Variants in CELF4 observed in about 807,000 individuals in gnomAD.
CELF4 encodes CUGBP Elav-like family member 4.
Under a neutral mutation model 59.9 loss-of-function variants are expected in CELF4, and 18 were observed. The observed-to-expected ratio is 0.30, with a 90% CI of 0.21 to 0.45. The LOEUF is 0.45. Among genes scored for constraint, CELF4 ranks in the 20% least tolerant of loss-of-function variants. The pLI is 1.00. For missense variants in CELF4, 456 were observed against 689.0 expected (o/e 0.66, Z 3.79); for synonymous variants, 261 against 267.1 (o/e 0.98, Z 0.22).
chr18:37,456,360 C>A (rs1038761017), intron 2 of CELF4, among the ~76,000 whole-genome samples: 1 of 152,108 alleles, frequency 6.6e-6, no homozygotes, highest in Non-Finnish European at 1.5e-5. Flanking sequence ...AAGGACAAGC[C>A]TGCTTCTGCA....
chr18:37,493,406 T>C (rs1201490262), intron 1 of CELF4, among the ~76,000 whole-genome samples: 1 of 152,248 alleles, frequency 6.6e-6, no homozygotes, highest in Non-Finnish European at 1.5e-5. Context: ...AGAATGTAAA[T>C]ACTCTATTAT....
chr18:37,517,732 G>A (rs1239786541), intron 1 of CELF4, among the ~76,000 whole-genome samples: 2 of 152,198 alleles, frequency 1.3e-5, no homozygotes, highest in African/African-American at 2.4e-5. Context: ...ATGAGGCACA[G>A]CTGGGTGACA....
intron 2 of CELF4, among the ~76,000 whole-genome samples, chr18:37,392,150 G>T (rs1330659025): frequency 1.3e-5 from 2 of 152,204 alleles, no homozygotes; most frequent in East Asian, 3.9e-4. Context: ...GGGGGAAGTG[G>T]GAGAAAGAAA....
chr18:37,321,577 C>T (rs899161329), intron 3 of CELF4, among the ~76,000 whole-genome samples: 2 of 152,172 alleles, frequency 1.3e-5, no homozygotes, highest in Non-Finnish European at 1.5e-5. Context: ...TACTCAGAGA[C>T]GCATAAACCG....
At chr18:37,552,836 G>A (rs1371311653) in intron 1 of CELF4, among the ~76,000 whole-genome samples, 4 of 152,234 alleles carry the variant, frequency 2.6e-5, no homozygotes, top group Non-Finnish European at 5.9e-5. Flanking sequence ...CCTGGAGGAA[G>A]CATGTCCTCT....
At chr18:37,512,323 C>G (rs541195023) in intron 1 of CELF4, among the ~76,000 whole-genome samples, 1 of 152,236 alleles carries the variant, frequency 6.6e-6, no homozygotes, top group African/African-American at 2.4e-5. Context: ...AGATGAGTTC[C>G]GTGGAGCTGC....
intron 12 of CELF4, among the ~76,000 whole-genome samples, chr18:37,251,062 G>C (rs538169815): frequency 7.9e-5 from 12 of 152,104 alleles, no homozygotes; most frequent in Non-Finnish European, 1.6e-4. Context: ...AGGGGAGAAG[G>C]CTCCCTGGCT....
chr18:37,365,470 C>T (rs1052021224), intron 2 of CELF4, among the ~76,000 whole-genome samples: 5 of 136,354 alleles, frequency 3.7e-5, no homozygotes, highest in East Asian at 2.2e-4. Context: ...TCCCTGAAGG[C>T]GGATGGGGCA....
At chr18:37,388,391 C>A (rs553518806) in intron 2 of CELF4, among the ~76,000 whole-genome samples, 1 of 151,818 alleles carries the variant, frequency 6.6e-6, no homozygotes, top group African/African-American at 2.4e-5. Context: ...CTTTGCTTCT[C>A]CTCTTCCCTC....
In CELF4 at chr18:37,565,697, T is replaced by TCG. The variant is rs1568469713; in HGVS notation, c.-57_-56insCG. The TCG allele has an allele frequency of 3.7e-5, 47 of 1,286,246 alleles. No individual in the cohort carries two copies. Among genetic ancestry groups the TCG allele is most frequent in the South Asian group, 2.3e-4 (14 of 61,054 alleles). 79.7% of individuals were successfully genotyped at this position (1,286,246 alleles called of 1,614,324 possible). A position where few individuals can be genotyped will look rare whatever the true frequency, so the allele number is the denominator to read the frequency against. On this transcript the variant is annotated 5_prime_UTR_variant, in exon 1 of 13. Transcript: ENST00000420428. ...TCGCTCACACTCTCTCGCTCCTCTC[T>TCG]CTCGCTCGCTCGCGCTCACACACGC...
chr18:37,300,640 G>T (rs1204875375), intron 3 of CELF4, among the ~76,000 whole-genome samples: 1 of 152,210 alleles, frequency 6.6e-6, no homozygotes, highest in Non-Finnish European at 1.5e-5. Context: ...ATACAGAGAG[G>T]AACAAAGAGT....
intron 2 of CELF4, among the ~76,000 whole-genome samples, chr18:37,481,368 C>T (rs2099866621): frequency 1.3e-5 from 2 of 152,198 alleles, no homozygotes; most frequent in African/African-American, 4.8e-5. Flanking sequence ...GCCCTTTCTG[C>T]TACCAAAGGA....
chr18:37,514,626 C>A (rs764851811), intron 1 of CELF4, among the ~76,000 whole-genome samples: 1 of 152,082 alleles, frequency 6.6e-6, no homozygotes, highest in Admixed American at 6.6e-5. Flanking sequence ...GAGGCCTGGG[C>A]GGTAAACAAA....
intron 1 of CELF4, among the ~76,000 whole-genome samples, chr18:37,544,865 G>T (rs1489730733): frequency 6.6e-6 from 1 of 152,202 alleles, no homozygotes; most frequent in East Asian, 1.9e-4. Flanking sequence ...AGGGTGTCTG[G>T]TTGAGGCCTG....
At chr18:37,353,049 G>A (rs189819077) in intron 2 of CELF4, among the ~76,000 whole-genome samples, 2,309 of 151,882 alleles carry the variant, frequency 0.015, 26 homozygotes, top group Non-Finnish European at 0.023. Context: ...GTGAAACCCT[G>A]TCTCTACTAA....
chr18:37,335,482 A>AGTGTGTGTGTGT (rs55853220), intron 2 of CELF4, among the ~76,000 whole-genome samples: 44 of 144,278 alleles, frequency 3.0e-4, no homozygotes, highest in African/African-American at 1.0e-3. Flanking sequence ...CAGTGCATGC[A>AGTGTGTGTGTGT]GTGTGTGTGT....
chr18:37,445,503 C>T (rs994355399), intron 2 of CELF4, among the ~76,000 whole-genome samples: 3 of 151,720 alleles, frequency 2.0e-5, no homozygotes, highest in South Asian at 2.1e-4. Flanking sequence ...GTTGTCACCT[C>T]GTGGGGTAGT....
At chr18:37,420,134 C>G (rs559612098) in intron 2 of CELF4, among the ~76,000 whole-genome samples, 1 of 152,290 alleles carries the variant, frequency 6.6e-6, no homozygotes, top group East Asian at 1.9e-4. Flanking sequence ...GTGGGGGAAC[C>G]TTGACCCTCA....
At chr18:37,413,556 A>G (rs1297711159) in intron 2 of CELF4, among the ~76,000 whole-genome samples, 1 of 152,204 alleles carries the variant, frequency 6.6e-6, no homozygotes, top group Non-Finnish European at 1.5e-5. Flanking sequence ...TATTTTGGGC[A>G]TCGCCTGTTC....
Sources: gnomAD v4.1 joint callset for allele counts (sites outside exome capture counted in the v4.1 genomes callset) on GRCh38, gnomAD v4.1.1 for gene constraint, MANE v1.5 for transcripts, NCBI Gene and HGNC (gene_info 2026-07-23, HGNC 2026-07-21) for gene names.